Variants in SLC20A2 observed in about 807,000 individuals in gnomAD.
SLC20A2 encodes the protein sodium-dependent phosphate transporter 2.
Under a neutral mutation model 61.0 loss-of-function variants are expected in SLC20A2, and 30 were observed. The ratio of observed to expected loss-of-function variants is 0.49; its 90% CI spans 0.37 to 0.67. SLC20A2 has a LOEUF of 0.67. Among genes scored for constraint, SLC20A2 ranks in the 30% least tolerant of loss-of-function variants. SLC20A2 has a pLI of 0.00. For missense variants in SLC20A2, 626 were observed against 866.4 expected, an observed-to-expected ratio of 0.72 and a Z score of 3.48; for synonymous variants, 351 against 353.3, an observed-to-expected ratio of 0.99 and a Z score of 0.07.
At chr8:42,536,853 C>G (rs1026950411) in intron 1 of SLC20A2, among the ~76,000 whole-genome samples, 6 of 152,082 alleles carry the variant, frequency 3.9e-5, no homozygotes, top group Admixed American at 3.9e-4. Flanking sequence ...GTGGGTGGAT[C>G]ACCTGAGGTC....
At chr8:42,427,823 G>A (rs1378597252) in intron 10 of SLC20A2, among the ~76,000 whole-genome samples, 1 of 152,132 alleles carries the variant, frequency 6.6e-6, no homozygotes, top group South Asian at 2.1e-4. Flanking sequence ...AAATAGAAAC[G>A]TGGGTGGCTG....
At chr8:42,477,179 A>G (rs1007806486) in intron 1 of SLC20A2, among the ~76,000 whole-genome samples, 2 of 152,190 alleles carry the variant, frequency 1.3e-5, no homozygotes, top group African/African-American at 4.8e-5. Context: ...GTGATGGCGC[A>G]TGCACTTTAC....
intron 1 of SLC20A2, among the ~76,000 whole-genome samples, chr8:42,533,931 C>A (rs1157900278): frequency 7.1e-6 from 1 of 140,510 alleles, no homozygotes; most frequent in African/African-American, 2.8e-5. Flanking sequence ...CCACCATGCC[C>A]GGCCCTGTTC....
At chr8:42,451,826 G>A (rs1805698986) in intron 5 of SLC20A2, among the ~76,000 whole-genome samples, 1 of 141,324 alleles carries the variant, frequency 7.1e-6, no homozygotes, top group African/African-American at 2.7e-5. Flanking sequence ...AGAAGGAAGA[G>A]ATGAGGAGGA....
At chr8:42,540,623 A>G (rs1201812978) in intron 1 of SLC20A2, among the ~76,000 whole-genome samples, 2 of 152,242 alleles carry the variant, frequency 1.3e-5, no homozygotes, top group African/African-American at 4.8e-5. Flanking sequence ...AGATGAAACA[A>G]AGAATAGAAA....
At chr8:42,453,968 C>A (rs1805937582) in intron 5 of SLC20A2, among the ~76,000 whole-genome samples, 1 of 152,116 alleles carries the variant, frequency 6.6e-6, no homozygotes, top group South Asian at 2.1e-4. Context: ...TGGCGGCCAA[C>A]TTAAGGGACT....
chr8:42,498,408 C>T (rs1410849150), intron 1 of SLC20A2, among the ~76,000 whole-genome samples: 2 of 152,178 alleles, frequency 1.3e-5, no homozygotes, highest in Non-Finnish European at 2.9e-5. Context: ...GTATCCTCAA[C>T]CCACCCCACT....
chr8:42,495,581 G>A (rs910069332), intron 1 of SLC20A2, among the ~76,000 whole-genome samples: 26 of 152,176 alleles, frequency 1.7e-4, no homozygotes, highest in Admixed American at 7.2e-4. Context: ...AACATAATGA[G>A]GTTGAAAGAT....
chr8:42,422,211 C>G (rs1803094686), intron 10 of SLC20A2, among the ~76,000 whole-genome samples: 1 of 152,204 alleles, frequency 6.6e-6, no homozygotes, highest in Admixed American at 6.5e-5. Context: ...CACCACCACA[C>G]TTGCCTAATT....
At chr8:42,470,335 A>G (rs972238876) in intron 2 of SLC20A2, among the ~76,000 whole-genome samples, 2 of 151,022 alleles carry the variant, frequency 1.3e-5, no homozygotes, top group Non-Finnish European at 2.9e-5. Context: ...CTCCCACTTC[A>G]GCCTCCCAAG....
chr8:42,490,094 G>A (rs1042735876), intron 1 of SLC20A2, among the ~76,000 whole-genome samples: 1 of 152,160 alleles, frequency 6.6e-6, no homozygotes, highest in Non-Finnish European at 1.5e-5. Flanking sequence ...GTTCTTAGAA[G>A]TTCACTGCTT....
intron 10 of SLC20A2, among the ~76,000 whole-genome samples, chr8:42,426,767 C>T (rs1247479214): frequency 1.3e-5 from 2 of 152,152 alleles, no homozygotes; most frequent in Non-Finnish European, 2.9e-5. Context: ...CTGCCTTCAG[C>T]AGTCTTGCTT....
chr8:42,517,430 G>C (rs920298221), intron 1 of SLC20A2, among the ~76,000 whole-genome samples: 1 of 151,778 alleles, frequency 6.6e-6, no homozygotes, highest in African/African-American at 2.4e-5. Context: ...TGCTATTGAT[G>C]GGAACTTAGA....
intron 1 of SLC20A2, among the ~76,000 whole-genome samples, chr8:42,478,087 T>C (rs1369738098): frequency 6.6e-6 from 1 of 151,978 alleles, no homozygotes; most frequent in African/African-American, 2.4e-5. Context: ...GGTTTCACTA[T>C]GTTGGCCAGG....
Position 42,472,218 on chromosome 8 carries a change from C to G in SLC20A2, c.173G>C (p.Gly58Ala), listed in dbSNP as rs2131227545. 6.2e-7 allele frequency: 1 copy of G among 1,614,158 alleles called. No individual in the cohort carries two copies. The highest frequency in any genetic ancestry group is 1.1e-5 in the South Asian group (1 of 91,082). ...CILASIFETT[G>A]SVLLGAKVGE... is the part of the protein sequence containing the mutation. The stretch of plus-strand genomic sequence containing the variant: ...TACTTTGGCGCCTAGTAACACGGAG[C>G]CGGTGGTTTCAAATATTGAAGCTAA... The change falls in exon 2 of 11, where the codon GGC (glycine) becomes GCC (alanine). Residue 58 changes from glycine to alanine, a missense_variant. Physicochemically the swap from Gly to Ala is moderately conservative, Grantham distance 60 (BLOSUM62 0). Coordinates refer to ENST00000520262, the MANE Select transcript of SLC20A2 (RefSeq NM_001257180.2). This position sits in a 1 kb window ranked among gnomAD's most constrained non-coding sequence, Gnocchi z 4.1.
At chr8:42,471,401 T>C (rs1272574392) in intron 2 of SLC20A2, among the ~76,000 whole-genome samples, 1 of 152,182 alleles carries the variant, frequency 6.6e-6, no homozygotes, top group Non-Finnish European at 1.5e-5. Context: ...ACACTTCATG[T>C]AGACAACTTG....
intron 1 of SLC20A2, among the ~76,000 whole-genome samples, chr8:42,517,425 T>C (rs1261657859): frequency 6.6e-6 from 1 of 151,988 alleles, no homozygotes; most frequent in African/African-American, 2.4e-5. Flanking sequence ...AAATGTGCTA[T>C]TGATGGGAAC....
chr8:42,423,560 A>G (rs1276721444), intron 10 of SLC20A2, among the ~76,000 whole-genome samples: 1 of 152,162 alleles, frequency 6.6e-6, no homozygotes, highest in African/African-American at 2.4e-5. Context: ...ATGTTTCACG[A>G]TGCTTGACAG....
intron 10 of SLC20A2, among the ~76,000 whole-genome samples, chr8:42,421,570 C>T (rs543923096): frequency 1.1e-4 from 16 of 152,148 alleles, no homozygotes; most frequent in Admixed American, 3.3e-4. Context: ...TTTGGGAGGC[C>T]GAGGCGGGCA....
Sources: gnomAD v4.1 joint callset for allele counts (sites outside exome capture counted in the v4.1 genomes callset) on GRCh38, gnomAD v4.1.1 for gene constraint, Gnocchi (gnomAD v3.1) non-coding constraint, MANE v1.5 for transcripts, NCBI Gene and HGNC (gene_info 2026-07-23, HGNC 2026-07-21) for gene names.